Variants in CIMAP3 observed in about 807,000 individuals in gnomAD.
CIMAP3 encodes ciliary microtubule associated protein 3, also known as ciliary microtubule-associated protein 3.
chr1:111,346,628 C>T, the CIMAP3 span: 2 of 1,614,152 alleles, frequency 1.2e-6, no homozygotes, highest in African/African-American at 2.7e-5. Context: ...ACGCAGTACA[C>T]AAGTGCTAGC....
the CIMAP3 span, chr1:111,352,639 T>C: frequency 1.3e-5 from 2 of 152,304 alleles, no homozygotes; most frequent in East Asian, 1.9e-4. Flanking sequence ...ATTTCTGTTA[T>C]CAAGAAGTAT....
At chr1:111,327,026 C>T in the CIMAP3 span, among the ~76,000 whole-genome samples, 5 of 152,072 alleles carry the variant, frequency 3.3e-5, no homozygotes, top group Non-Finnish European at 7.4e-5. Flanking sequence ...AATATTTTCT[C>T]CCATTCAACA....
chr1:111,346,703 A>G, the CIMAP3 span: 1 of 1,604,508 alleles, frequency 6.2e-7, no homozygotes, highest in Non-Finnish European at 8.5e-7. Context: ...CCTAGAGTAG[A>G]GGGCAGGTAG....
the CIMAP3 span, chr1:111,347,731 T>C: frequency 1.9e-6 from 3 of 1,613,540 alleles, no homozygotes; most frequent in African/African-American, 2.7e-5. Context: ...AGGATATACT[T>C]TGGGAGCCAG....
chr1:111,338,149 G>A, the CIMAP3 span, among the ~76,000 whole-genome samples: 386 of 151,222 alleles, frequency 2.6e-3, 2 homozygotes, highest in Middle Eastern at 0.01. Context: ...TGAAACCAAC[G>A]AGAACAAAGA....
the CIMAP3 span, among the ~76,000 whole-genome samples, chr1:111,341,049 C>T: frequency 6.6e-6 from 1 of 150,556 alleles, no homozygotes; most frequent in Non-Finnish European, 1.5e-5. Context: ...GAGTTCATGT[C>T]CTTTGTAGGG....
At chr1:111,326,032 A>G in the CIMAP3 span, among the ~76,000 whole-genome samples, 1 of 152,146 alleles carries the variant, frequency 6.6e-6, no homozygotes, top group Non-Finnish European at 1.5e-5. Context: ...TTACTGATGC[A>G]TTATATTTTA....
chr1:111,333,940 C>T, the CIMAP3 span, among the ~76,000 whole-genome samples: 1 of 152,174 alleles, frequency 6.6e-6, no homozygotes, highest in East Asian at 1.9e-4. Context: ...ATTGCATATA[C>T]AGTCCATCGT....
At chr1:111,334,320 A>G in the CIMAP3 span, among the ~76,000 whole-genome samples, 1 of 152,252 alleles carries the variant, frequency 6.6e-6, no homozygotes, top group South Asian at 2.1e-4. Context: ...CAGGGCTCCA[A>G]TCATTTACCA....
the CIMAP3 span, chr1:111,324,689 A>G: frequency 2.2e-5 from 22 of 984,722 alleles, no homozygotes; most frequent in Non-Finnish European, 2.7e-5. Context: ...TTCTTGGTTA[A>G]AGTCCCCATG....
At chr1:111,330,887 T>G in the CIMAP3 span, among the ~76,000 whole-genome samples, 1 of 152,240 alleles carries the variant, frequency 6.6e-6, no homozygotes, top group Non-Finnish European at 1.5e-5. Context: ...GATGAGCAGT[T>G]GTGGGGACCC....
At chr1:111,329,538 T>G in the CIMAP3 span, among the ~76,000 whole-genome samples, 1 of 98,850 alleles carries the variant, frequency 1.0e-5, no homozygotes, top group Non-Finnish European at 2.2e-5. Context: ...TATATATATA[T>G]ATATATATAT....
the CIMAP3 span, among the ~76,000 whole-genome samples, chr1:111,325,427 T>C: frequency 6.6e-6 from 1 of 152,254 alleles, no homozygotes; most frequent in Non-Finnish European, 1.5e-5. Flanking sequence ...TAGATGTAGG[T>C]TTTAAGAAAG....
chr1:111,338,221 C>T, the CIMAP3 span, among the ~76,000 whole-genome samples: 2 of 151,786 alleles, frequency 1.3e-5, no homozygotes, highest in South Asian at 4.2e-4. Flanking sequence ...ATTTATAGCA[C>T]TAAATGCCAA....
the CIMAP3 span, chr1:111,346,627 A>G: frequency 6.2e-7 from 1 of 1,614,064 alleles, no homozygotes; most frequent in Non-Finnish European, 8.5e-7. Flanking sequence ...AACGCAGTAC[A>G]CAAGTGCTAG....
At chr1:111,346,833 C>T in the CIMAP3 span, 5 of 1,586,152 alleles carry the variant, frequency 3.2e-6, no homozygotes, top group Middle Eastern at 1.7e-4. Flanking sequence ...TCAGTCTCCC[C>T]GACCTTCCCC....
At chr1:111,339,177 A>G in the CIMAP3 span, among the ~76,000 whole-genome samples, 1 of 151,412 alleles carries the variant, frequency 6.6e-6, no homozygotes, top group East Asian at 1.9e-4. Context: ...AAAACTCTCA[A>G]TAAATTAGGT....
the CIMAP3 span, among the ~76,000 whole-genome samples, chr1:111,342,190 A>G: frequency 2.0e-5 from 3 of 152,214 alleles, no homozygotes; most frequent in Admixed American, 6.5e-5. Flanking sequence ...CAAATAACAT[A>G]TAAGGATCCC....
At chr1:111,346,763 C>T in the CIMAP3 span, 2 of 1,551,546 alleles carry the variant, frequency 1.3e-6, no homozygotes, top group South Asian at 1.1e-5. Flanking sequence ...AAGTGCAGTT[C>T]GCCCCCCTCC....
Sources: gnomAD v4.1 joint callset for allele counts (sites outside exome capture counted in the v4.1 genomes callset) on GRCh38, gnomAD v4.1.1 for gene constraint, MANE v1.5 for transcripts, NCBI Gene and HGNC (gene_info 2026-07-23, HGNC 2026-07-21) for gene names.